CTNNA3: variants seen among roughly 807,000 people sequenced by gnomAD.
The protein encoded by CTNNA3 is catenin alpha 3, also known as catenin alpha-3.
In CTNNA3, 76 loss-of-function variants were observed where a neutral mutation model predicts 95.7. The observed-to-expected ratio is 0.79, with a 90% CI of 0.66 to 0.96. The LOEUF is 0.96. Among genes scored for constraint, CTNNA3 ranks in the 40% least tolerant of loss-of-function variants. The pLI is 0.00. For synonymous variants in CTNNA3, 431 were observed against 374.4 expected, an observed-to-expected ratio of 1.15 and a Z score of -1.74; for missense variants, 1,191 against 1,089.8, an observed-to-expected ratio of 1.09 and a Z score of -1.31.
At chr10:66,810,233 G>C (rs564761825) in intron 7 of CTNNA3, among the ~76,000 whole-genome samples, 1 of 152,170 alleles carries the variant, frequency 6.6e-6, no homozygotes, top group Non-Finnish European at 1.5e-5. Context: ...AAGCAGAGGA[G>C]TGAAAGTTAT....
intron 11 of CTNNA3, among the ~76,000 whole-genome samples, chr10:66,404,093 A>G (rs929018664): frequency 2.0e-5 from 3 of 151,794 alleles, no homozygotes; most frequent in African/African-American, 7.3e-5. Context: ...TTTTTTCCAG[A>G]TGTTTTTCAG....
At chr10:66,748,035 G>T (rs1838958980) in intron 9 of CTNNA3, among the ~76,000 whole-genome samples, 1 of 152,072 alleles carries the variant, frequency 6.6e-6, no homozygotes, top group South Asian at 2.1e-4. Flanking sequence ...AAAGAAAGCT[G>T]GTGTCTGTGC....
chr10:67,706,781 A>G (rs1279905756), intron 1 of CTNNA3, among the ~76,000 whole-genome samples: 1 of 152,204 alleles, frequency 6.6e-6, no homozygotes, highest in Non-Finnish European at 1.5e-5. Context: ...CACTGAAACC[A>G]GTTACACATC....
At chr10:66,333,565 C>G (rs2092357145) in intron 12 of CTNNA3, among the ~76,000 whole-genome samples, 1 of 151,980 alleles carries the variant, frequency 6.6e-6, no homozygotes, top group Admixed American at 6.6e-5. Context: ...ATGCTGAGTT[C>G]GAGTTTGATT....
chr10:67,750,509 A>G (rs879033081), intron 1 of CTNNA3: 1 of 1,566,014 alleles, frequency 6.4e-7, no homozygotes, highest in Non-Finnish European at 8.8e-7. Flanking sequence ...CCTCTTCATC[A>G]TCAACAAGTT....
intron 10 of CTNNA3, among the ~76,000 whole-genome samples, chr10:66,560,569 G>A (rs1475651155): frequency 6.6e-6 from 1 of 151,826 alleles, no homozygotes; most frequent in Non-Finnish European, 1.5e-5. Context: ...TTATCATTTG[G>A]GAATCTACAG....
intron 11 of CTNNA3, among the ~76,000 whole-genome samples, chr10:66,379,880 T>C (rs992476194): frequency 1.3e-5 from 2 of 152,192 alleles, no homozygotes; most frequent in African/African-American, 4.8e-5. Flanking sequence ...AGGAAGTTAC[T>C]ATAGCACAGT....
chr10:66,853,452 G>A (rs1401461850), intron 7 of CTNNA3, among the ~76,000 whole-genome samples: 13 of 152,058 alleles, frequency 8.5e-5, no homozygotes. Flanking sequence ...GAACATGCAA[G>A]CACATACTCA....
At position 67,399,275 on chromosome 10, in the gene CTNNA3, A is replaced by G. The variant is rs376548873; in HGVS notation, c.579+122567T>C. Reference sequence around the variant, plus strand: ...GTTGTTCAAGGGTCAACTATAAACGAATTTGTTAGAGTGACAGACAAGTAC... The same window carrying G: ...GTTGTTCAAGGGTCAACTATAAACGGATTTGTTAGAGTGACAGACAAGTAC... On this transcript the variant is annotated intron_variant, in intron 5 of 17. Coordinates refer to ENST00000433211, the MANE Select transcript of CTNNA3 (RefSeq NM_013266.4). Among the ~76,000 whole-genome samples, 3 of 152,266 alleles carry G rather than the reference A, an allele frequency of 2.0e-5. No homozygotes were observed. In the East Asian group the frequency reaches 5.8e-4, roughly 29 times the overall value.
At chr10:66,113,309 G>A (rs1219038536) in intron 13 of CTNNA3, among the ~76,000 whole-genome samples, 1 of 152,078 alleles carries the variant, frequency 6.6e-6, no homozygotes, top group Non-Finnish European at 1.5e-5. Context: ...GGACCTGCAA[G>A]ATGTTCCTAA....
At chr10:66,566,671 A>T (rs1188810027) in intron 10 of CTNNA3, among the ~76,000 whole-genome samples, 1 of 152,008 alleles carries the variant, frequency 6.6e-6, no homozygotes, top group African/African-American at 2.4e-5. Flanking sequence ...TGTCCTCTTC[A>T]TGCTCCAAGA....
intron 5 of CTNNA3, among the ~76,000 whole-genome samples, chr10:67,317,162 T>C (rs959435677): frequency 1.3e-4 from 9 of 68,164 alleles, no homozygotes; most frequent in Admixed American, 7.0e-4. Flanking sequence ...TCGGGTTTTG[T>C]TTTGTTTTGT....
At chr10:66,192,230 C>T (rs867125448) in intron 13 of CTNNA3, among the ~76,000 whole-genome samples, 2 of 152,004 alleles carry the variant, frequency 1.3e-5, no homozygotes, top group African/African-American at 2.4e-5. Context: ...CACACTCCCC[C>T]GCCAGCAGAA....
At chr10:67,445,785 T>C (rs768156862) in intron 5 of CTNNA3, among the ~76,000 whole-genome samples, 1 of 152,212 alleles carries the variant, frequency 6.6e-6, no homozygotes, top group African/African-American at 2.4e-5. Context: ...TATACAATTA[T>C]GGGATTACAT....
chr10:66,247,959 CTG>C (rs1479818358), intron 13 of CTNNA3, among the ~76,000 whole-genome samples: 2 of 152,076 alleles, frequency 1.3e-5, no homozygotes, highest in Non-Finnish European at 2.9e-5. Flanking sequence ...TATTATAACA[CTG>C]TAATTTGAGG....
At chr10:66,720,953 C>G (rs1848610042) in intron 9 of CTNNA3, among the ~76,000 whole-genome samples, 1 of 152,236 alleles carries the variant, frequency 6.6e-6, no homozygotes, top group Non-Finnish European at 1.5e-5. Context: ...CTACTCCAGT[C>G]CAACAGCTCA....
intron 5 of CTNNA3, among the ~76,000 whole-genome samples, chr10:67,315,397 A>G (rs1470737290): frequency 1.3e-5 from 2 of 152,224 alleles, no homozygotes; most frequent in Admixed American, 1.3e-4. Context: ...AGAACTGACC[A>G]TAATAATATC....
intron 15 of CTNNA3, among the ~76,000 whole-genome samples, chr10:66,051,365 T>C (rs138671922): frequency 6.6e-6 from 1 of 152,326 alleles, no homozygotes. Flanking sequence ...AGTGAATGAA[T>C]CTTTGACTTC....
chr10:66,739,137 A>G (rs1849244667), intron 9 of CTNNA3, among the ~76,000 whole-genome samples: 1 of 152,218 alleles, frequency 6.6e-6, no homozygotes, highest in Non-Finnish European at 1.5e-5. Context: ...GGATGAATGA[A>G]AGACATCTCC....
Sources: allele counts gnomAD v4.1 joint callset (sites outside exome capture counted in the v4.1 genomes callset), GRCh38; gene constraint gnomAD v4.1.1; transcripts MANE v1.5; gene names NCBI Gene and HGNC (gene_info 2026-07-23, HGNC 2026-07-21).